USP34: variants seen among roughly 807,000 people sequenced by gnomAD.
The protein encoded by USP34 is ubiquitin specific peptidase 34, also known as ubiquitin carboxyl-terminal hydrolase 34.
USP34 carries 70 observed loss-of-function variants against 460.3 expected under a neutral mutation model. That is an observed-to-expected ratio of 0.15 (90% confidence interval 0.13 to 0.19). USP34 has a LOEUF of 0.19. USP34 is among the 10% of genes least tolerant of loss of function. USP34 has a pLI of 1.00. For missense variants in USP34, 3,985 were observed against 4,236.2 expected (o/e 0.94, Z 1.65); for synonymous variants, 1,647 against 1,405.3 (o/e 1.17, Z -3.85).
chr2:61,304,927 TTC>T (rs1289655430), intron 27 of USP34, among the ~76,000 whole-genome samples: 2 of 152,200 alleles, frequency 1.3e-5, no homozygotes, highest in Non-Finnish European at 2.9e-5. Flanking sequence ...AAAATAGCAT[TTC>T]AAGACAAAAT....
At chr2:61,463,026 T>C (rs1344430251) in intron 1 of USP34, among the ~76,000 whole-genome samples, 1 of 151,604 alleles carries the variant, frequency 6.6e-6, no homozygotes, top group Admixed American at 6.6e-5. Context: ...TAAGACTCCA[T>C]CTCCAAAGGG....
intron 43 of USP34, among the ~76,000 whole-genome samples, chr2:61,263,029 G>T (rs75410180): frequency 6.6e-6 from 1 of 151,426 alleles, no homozygotes; most frequent in African/African-American, 2.4e-5. Flanking sequence ...TTTTTTTTAA[G>T]ATAGAGTCTT....
In USP34 at chr2:61,317,387, C is replaced by A. The variant is rs567046617; in HGVS notation, c.3282+267G>T. Among the ~76,000 whole-genome samples, 29 of 152,168 alleles carry A rather than the reference C, an allele frequency of 1.9e-4. No homozygotes were observed. In the East Asian group the frequency reaches 5.2e-3, roughly 27 times the overall value. On this transcript the variant is annotated intron_variant, in intron 23 of 79. Transcript: ENST00000398571. The stretch of plus-strand genomic sequence containing the variant: ...ACCAAAAATACAAAAATTAGCCAGG[C>A]ATGGTGGCAAATGTCTGTAATCCCA...
At chr2:61,301,181 A>C (rs1254511858) in intron 28 of USP34, 21 bp from the exon 29 acceptor site, 13 of 1,577,946 alleles carry the variant, frequency 8.2e-6, no homozygotes, top group African/African-American at 1.4e-5. Flanking sequence ...CAGGAAAAAA[A>C]ATTTATGCAT....
chr2:61,215,543 T>C (rs760446425), intron 67 of USP34, among the ~76,000 whole-genome samples: 13 of 152,214 alleles, frequency 8.5e-5, no homozygotes, highest in Non-Finnish European at 1.3e-4. Context: ...AAGCAGTTAC[T>C]ATCAACAAAG....
chr2:61,201,173 G>T (rs1686964465), intron 75 of USP34, among the ~76,000 whole-genome samples: 1 of 150,806 alleles, frequency 6.6e-6, no homozygotes, highest in Admixed American at 6.6e-5. Flanking sequence ...TACTATGCAT[G>T]GTGGTACAGT....
At chr2:61,227,011 T>C (rs771880099) in intron 62 of USP34, 56 bp downstream of exon 62, 179 of 1,533,650 alleles carry the variant, frequency 1.2e-4, no homozygotes, top group Admixed American at 2.1e-4. Flanking sequence ...TAAACAATTA[T>C]GTAAAAATAA....
Position 61,220,473 on chromosome 2 carries a change from C to A in USP34, c.7900-16G>T. On this transcript the variant is annotated splice_polypyrimidine_tract_variant and intron_variant, in intron 66 of 79. Transcript: ENST00000398571. ...ATTCAATCACCTACAAATAACATGA[C>A]AAGAACAGAATATAAGGCCAACTGA... The A allele has an allele frequency of 6.3e-7, 1 of 1,598,072 alleles. No homozygotes were observed. Among genetic ancestry groups the A allele is most frequent in the Non-Finnish European group, 8.5e-7 (1 of 1,172,914 alleles).
intron 21 of USP34, among the ~76,000 whole-genome samples, chr2:61,323,134 C>T (rs567078452): frequency 1.1e-4 from 17 of 152,262 alleles, no homozygotes; most frequent in African/African-American, 4.1e-4. Flanking sequence ...AATCCTAGCA[C>T]TTTGGGAAGG....
At chr2:61,431,846 C>T (rs910445850) in intron 1 of USP34, among the ~76,000 whole-genome samples, 4 of 151,984 alleles carry the variant, frequency 2.6e-5, no homozygotes, top group Non-Finnish European at 5.9e-5. Flanking sequence ...AAGAGCAAGA[C>T]TCCATCTCAA....
Position 61,246,520 on chromosome 2 carries a change from A to C in USP34, c.6395-43T>G, listed in dbSNP as rs979734502. ...GAATGGAAATAATTTTCCAAACTTC[A>C]CAACAGTTACTTAGAAACACTTTTT... On this transcript the variant is annotated intron_variant, in intron 49 of 79. Transcript: ENST00000398571. 24 of 1,311,622 alleles carry C rather than the reference A, an allele frequency of 1.8e-5. No individual in the cohort carries two copies. In the East Asian group the frequency reaches 6.3e-4, roughly 34 times the overall value. The allele number at this position is 1,311,622 out of a possible 1,614,324, so 81.2% of individuals were successfully genotyped here.
chr2:61,259,279 T>A (rs1688807754), intron 44 of USP34, among the ~76,000 whole-genome samples: 1 of 151,616 alleles, frequency 6.6e-6, no homozygotes, highest in Admixed American at 6.6e-5. Flanking sequence ...AATAAATAAA[T>A]AAAAAAGTAA....
rs766844698 is a variant in USP34 at position 61,241,835 on chromosome 2, A to G, written c.6628-16T>C. 38 of 1,446,326 alleles carry G rather than the reference A, an allele frequency of 2.6e-5. 1 individual carries two copies. In the South Asian group the frequency reaches 3.9e-4, roughly 15 times the overall value. The allele number at this position is 1,446,326 out of a possible 1,614,324, so 89.6% of individuals were successfully genotyped here. A position where few individuals can be genotyped will look rare whatever the true frequency, so the allele number is the denominator to read the frequency against. On this transcript the variant is annotated splice_polypyrimidine_tract_variant and intron_variant, in intron 51 of 79. Coordinates refer to ENST00000398571, the MANE Select transcript of USP34 (RefSeq NM_014709.4). ...AGGTCTTGGTCTGTTTAAAAATACAAAAGTTTTACTTCTTTGAAAAAATGG... is the reference window on the plus strand; with the variant it reads ...AGGTCTTGGTCTGTTTAAAAATACAGAAGTTTTACTTCTTTGAAAAAATGG...
chr2:61,469,716 T>C (rs553108394), intron 1 of USP34, among the ~76,000 whole-genome samples: 3 of 152,338 alleles, frequency 2.0e-5, no homozygotes, highest in Admixed American at 1.3e-4. Context: ...AAACTGTTCA[T>C]AAGTGAGCAT....
At chr2:61,283,592 A>C (rs772885158) in intron 35 of USP34, 143 bp from the exon 36 acceptor site, 2 of 730,280 alleles carry the variant, frequency 2.7e-6, no homozygotes, top group Non-Finnish European at 4.4e-6. Context: ...AGTGAGAGTG[A>C]GAGTGAGAGA....
Position 61,241,583 on chromosome 2 carries a change from C to A in USP34, c.6754G>T (p.Asp2252Tyr), listed in dbSNP as rs780336041. 1 of 1,609,358 alleles carries A rather than the reference C, an allele frequency of 6.2e-7. No homozygotes were observed. The highest frequency in any genetic ancestry group is 1.1e-5 in the South Asian group (1 of 90,014). The change falls in exon 53 of 80, where the codon GAT (aspartate) becomes TAT (tyrosine). Residue 2252 changes from aspartate (D) to tyrosine (Y), a missense_variant. Transcript: ENST00000398571. ...ACCTCTAGTAACTCTGACGAAACAT[C>A]AAATTTGTATTCTCTGCCATTTTCT... The part of the protein sequence containing the change: ...EEENGREYKF[D>Y]VSSELLEWIW...
In USP34 at chr2:61,316,674, C is replaced by G. The variant is rs566333408; in HGVS notation, c.3282+980G>C. Among the ~76,000 whole-genome samples the G allele has an allele frequency of 7.2e-5, 11 of 152,168 alleles. No individual in the cohort carries two copies. The East Asian group carries it at 2.1e-3, about 30-fold the overall frequency. ...CCAAGGCGGGTGGATCACCTGACGTCAGGAGCTCGAGACCAGCCCCGCCAA... is the reference window on the plus strand; with the variant it reads ...CCAAGGCGGGTGGATCACCTGACGTGAGGAGCTCGAGACCAGCCCCGCCAA... On this transcript the variant is annotated intron_variant, in intron 23 of 79. Transcript: ENST00000398571.
chr2:61,246,734 A>C (rs1324526552), intron 49 of USP34, among the ~76,000 whole-genome samples: 1 of 152,172 alleles, frequency 6.6e-6, no homozygotes, highest in African/African-American at 2.4e-5. Context: ...TTAGCCTACT[A>C]CCATAAAGGA....
chr2:61,266,347 G>T (rs998552569), intron 41 of USP34, among the ~76,000 whole-genome samples, 180 bp from the exon 42 acceptor site: 1 of 152,148 alleles, frequency 6.6e-6, no homozygotes, highest in African/African-American at 2.4e-5. Flanking sequence ...CGAAGGCGGC[G>T]ATCAACTTTT....
Sources: allele counts gnomAD v4.1 joint callset (sites outside exome capture counted in the v4.1 genomes callset), GRCh38; gene constraint gnomAD v4.1.1; transcripts MANE v1.5; gene names NCBI Gene and HGNC (gene_info 2026-07-23, HGNC 2026-07-21).